The following TMEM38B variants were observed in gnomAD, a reference collection of about 807,000 sequenced individuals.
The protein encoded by TMEM38B is trimeric intracellular cation channel type B.
A neutral mutation model predicts 28.7 loss-of-function variants in TMEM38B; 24 were observed. That is an observed-to-expected ratio of 0.84 (90% CI 0.61 to 1.18). The LOEUF (loss-of-function observed/expected upper bound fraction) is 1.18, where lower values mean the gene tolerates loss of function less well. Ranked by LOEUF, TMEM38B falls within the 50% of genes most tolerant of loss-of-function variation. TMEM38B has a pLI of 0.00. For missense variants in TMEM38B, 380 were observed against 350.9 expected, an observed-to-expected ratio of 1.08 and a Z score of -0.66; for synonymous variants, 131 against 127.7, an observed-to-expected ratio of 1.03 and a Z score of -0.17.
Position 105,774,205 on chromosome 9 carries a change from G to T in TMEM38B, c.*125G>T. The T allele has an allele frequency of 1.3e-6, 1 of 780,956 alleles. No homozygotes were observed. Among genetic ancestry groups the T allele is most frequent in the Non-Finnish European group, 2.0e-6 (1 of 495,896 alleles). 48.4% of individuals were successfully genotyped at this position (780,956 alleles called of 1,614,324 possible). The stretch of plus-strand genomic sequence containing the variant: ...ATATATGGAATGGAGGTGACAGAAA[G>T]AAAGAAATTCTTTGTTTGAGGGAGA... On this transcript the variant is annotated 3_prime_UTR_variant, in exon 6 of 6. Transcript: ENST00000374692.
intron 1 of TMEM38B, among the ~76,000 whole-genome samples, chr9:105,699,303 G>T (rs1044561502): frequency 1.3e-5 from 2 of 151,914 alleles, no homozygotes; most frequent in African/African-American, 2.4e-5. Flanking sequence ...TACTTAATTG[G>T]CAACTTTTTC....
chr9:105,735,540 A>G (rs1836941314), intron 4 of TMEM38B, among the ~76,000 whole-genome samples: 1 of 152,174 alleles, frequency 6.6e-6, no homozygotes, highest in South Asian at 2.1e-4. Flanking sequence ...TAATTTCTGA[A>G]GAATAGCTTT....
intron 2 of TMEM38B, among the ~76,000 whole-genome samples, chr9:105,708,560 A>G (rs1242760925): frequency 6.6e-6 from 1 of 151,978 alleles, no homozygotes; most frequent in Non-Finnish European, 1.5e-5. Flanking sequence ...CCTGCAAAAT[A>G]CTCGCTTTCA....
chr9:105,756,683 A>G (rs915157855), intron 5 of TMEM38B, among the ~76,000 whole-genome samples: 2 of 152,142 alleles, frequency 1.3e-5, no homozygotes, highest in Non-Finnish European at 2.9e-5. Context: ...TAACACCCAA[A>G]CTTAAACACC....
At chr9:105,726,966 G>T (rs1301750528) in intron 4 of TMEM38B, among the ~76,000 whole-genome samples, 1 of 151,452 alleles carries the variant, frequency 6.6e-6, no homozygotes, top group East Asian at 1.9e-4. Flanking sequence ...ATTTTTACTG[G>T]TTGTACTAGC....
At chr9:105,702,569 T>C (rs1835496452) in intron 1 of TMEM38B, 2 of 152,222 alleles carry the variant, frequency 1.3e-5, no homozygotes, top group African/African-American at 4.8e-5. Context: ...TAATGATTCA[T>C]TTTGCCAGAA....
At chr9:105,770,957 A>G (rs980953192) in intron 5 of TMEM38B, among the ~76,000 whole-genome samples, 2 of 152,196 alleles carry the variant, frequency 1.3e-5, no homozygotes, top group African/African-American at 2.4e-5. Context: ...GAGAATATCA[A>G]AGTAGGTATA....
intron 4 of TMEM38B, among the ~76,000 whole-genome samples, chr9:105,732,145 G>A (rs1027721998): frequency 3.9e-5 from 6 of 152,070 alleles, no homozygotes; most frequent in Non-Finnish European, 7.4e-5. Flanking sequence ...CCCACTTTTC[G>A]ATGGGGTTGT....
chr9:105,759,639 G>T (rs1346379203), intron 5 of TMEM38B: 2 of 1,586,494 alleles, frequency 1.3e-6, no homozygotes, highest in Non-Finnish European at 8.6e-7. Flanking sequence ...GTGTAAAGAG[G>T]CATCAATCTT....
At chr9:105,732,777 G>T (rs1209146701) in intron 4 of TMEM38B, among the ~76,000 whole-genome samples, 1 of 152,150 alleles carries the variant, frequency 6.6e-6, no homozygotes, top group Non-Finnish European at 1.5e-5. Context: ...GCTTAGGATT[G>T]TCTTGGCAGC....
Position 105,758,481 on chromosome 9 carries a change from C to T in TMEM38B, c.660+10291C>T. 3 of 1,303,128 alleles carry T rather than the reference C, an allele frequency of 2.3e-6. No homozygotes were observed. In the South Asian group the frequency reaches 3.5e-5, roughly 15 times the overall value. 80.7% of individuals were successfully genotyped at this position (1,303,128 alleles called of 1,614,324 possible). A position where few individuals can be genotyped will look rare whatever the true frequency, so the allele number is the denominator to read the frequency against. ...CACAGCAGGAGAAGCAGTGGATTGG[C>T]TTTATGACCTATTAAGAAATAATAA... On this transcript the variant is annotated intron_variant, in intron 5 of 5. Transcript: ENST00000374692.
chr9:105,764,928 C>G (rs1826312815), intron 5 of TMEM38B, among the ~76,000 whole-genome samples: 1 of 152,110 alleles, frequency 6.6e-6, no homozygotes, highest in Admixed American at 6.5e-5. Flanking sequence ...AATAACGCCG[C>G]ATATGTACAA....
intron 2 of TMEM38B, among the ~76,000 whole-genome samples, chr9:105,711,704 C>T (rs1354967779): frequency 2.0e-5 from 3 of 151,574 alleles, no homozygotes; most frequent in African/African-American, 7.3e-5. Context: ...CCTGTAGTCC[C>T]AGCTATTTGG....
chr9:105,731,886 T>A (rs991427906), intron 4 of TMEM38B, among the ~76,000 whole-genome samples: 20 of 152,168 alleles, frequency 1.3e-4, no homozygotes, highest in African/African-American at 2.9e-4. Context: ...CGCCACACTG[T>A]CTTCCACAAT....
At chr9:105,715,403 G>T (rs1295301336) in intron 2 of TMEM38B, among the ~76,000 whole-genome samples, 1 of 151,620 alleles carries the variant, frequency 6.6e-6, no homozygotes, top group Non-Finnish European at 1.5e-5. Context: ...GTTCGTTGTT[G>T]TGCGACAGTA....
Position 105,738,819 on chromosome 9 carries a change from G to A in TMEM38B, c.543-9254G>A, listed in dbSNP as rs12340503. ...TGCAGCCTCGACCTCCCAGCCTCAA[G>A]CAATCCCCCCGTCTCAGCCTCCTGA... On this transcript the variant is annotated intron_variant, in intron 4 of 5. Coordinates refer to ENST00000374692, the MANE Select transcript of TMEM38B (RefSeq NM_018112.3). Among the ~76,000 whole-genome samples, 1,269 of 145,230 alleles carry A rather than the reference G, an allele frequency of 8.7e-3. 17 individuals carry two copies. The highest frequency in any genetic ancestry group is 0.031 in the African/African-American group (1,197 of 38,282).
At chr9:105,738,073 C>T (rs1837050747) in intron 4 of TMEM38B, among the ~76,000 whole-genome samples, 1 of 152,072 alleles carries the variant, frequency 6.6e-6, no homozygotes, top group Admixed American at 6.6e-5. Context: ...GGATGCACTC[C>T]CAGAGAGGCT....
At chr9:105,768,047 G>T (rs143265929) in intron 5 of TMEM38B, among the ~76,000 whole-genome samples, 61 of 152,144 alleles carry the variant, frequency 4.0e-4, no homozygotes, top group African/African-American at 1.5e-3. Flanking sequence ...ACTTAAATAA[G>T]ATATTAGCTA....
Position 105,774,186 on chromosome 9 carries a change from G to A in TMEM38B, c.*106G>A. 1.1e-6 allele frequency: 1 copy of A among 876,616 alleles called. No homozygotes were observed. The highest frequency in any genetic ancestry group is 1.7e-6 in the Non-Finnish European group (1 of 576,376). The allele number at this position is 876,616 out of a possible 1,614,324, so 54.3% of individuals were successfully genotyped here. ...GATGTGAAATGAAGACTATATATAT[G>A]GAATGGAGGTGACAGAAAGAAAGAA... On this transcript the variant is annotated 3_prime_UTR_variant, in exon 6 of 6. Transcript: ENST00000374692.
Sources: allele counts gnomAD v4.1 joint callset (sites outside exome capture counted in the v4.1 genomes callset), GRCh38; gene constraint gnomAD v4.1.1; transcripts MANE v1.5; gene names NCBI Gene and HGNC (gene_info 2026-07-23, HGNC 2026-07-21).